The following EDRF1 variants were observed in gnomAD, a reference collection of about 807,000 sequenced individuals.
EDRF1 encodes erythroid differentiation regulatory factor 1, also known as erythroid differentiation-related factor 1.
EDRF1 carries 69 observed loss-of-function variants against 148.7 expected under a neutral mutation model. The ratio of observed to expected loss-of-function variants is 0.46; its 90% CI spans 0.38 to 0.57. The LOEUF is 0.57. Among genes scored for constraint, EDRF1 ranks in the 20% least tolerant of loss-of-function variants. The probability of loss-of-function intolerance (pLI) is 0.00; values close to 1 mark genes in which losing one functional copy is unlikely to be tolerated. For synonymous variants in EDRF1, 515 were observed against 532.8 expected, an observed-to-expected ratio of 0.97 and a Z score of 0.46; for missense variants, 1,118 against 1,478.7, an observed-to-expected ratio of 0.76 and a Z score of 4.00.
Position 125,740,414 on chromosome 10 carries a change from T to A in EDRF1, c.1982-49T>A, listed in dbSNP as rs748603535. 1.9e-6 allele frequency: 3 copies of A among 1,589,144 alleles called. No homozygotes were observed. The South Asian group carries it at 3.3e-5, about 18-fold the overall frequency. ...AGAAAATATTTTTTGTGCATGAGAC[T>A]TACAGTCAAATGAAATGTGCTGTCT... On this transcript the variant is annotated intron_variant, in intron 15 of 24. Coordinates refer to ENST00000356792, the MANE Select transcript of EDRF1 (RefSeq NM_001202438.2).
chr10:125,723,116 T>C lies in EDRF1; in HGVS notation c.366T>C (p.Asp122=). 6.2e-7 allele frequency: 1 copy of C among 1,613,812 alleles called. No individual in the cohort carries two copies. ...DFIDSVGNDV[D]VVSDSENIKK... is the part of the protein sequence containing the mutation. ...TTGATTCAGTGGGAAATGATGTGGA[T>C]GTTGTCTCTGACTCTGAAGTAAGTG... The change falls in exon 3 of 25, where the codon GAT becomes GAC. Residue 122 remains aspartate (D), a synonymous_variant. Coordinates refer to ENST00000356792, the MANE Select transcript of EDRF1 (RefSeq NM_001202438.2).
chr10:125,757,508 ATTTTATTTACC>A, intron 24 of EDRF1, among the ~76,000 whole-genome samples: 1 of 152,304 alleles, frequency 6.6e-6, no homozygotes, highest in East Asian at 1.9e-4. Context: ...GGAACAGGAA[ATTTTATTTACC>A]TTCATTTATT....
At chr10:125,735,070 G>C (rs1848660040) in intron 12 of EDRF1, among the ~76,000 whole-genome samples, 1 of 152,158 alleles carries the variant, frequency 6.6e-6, no homozygotes, top group African/African-American at 2.4e-5. Flanking sequence ...TTGGATGTTA[G>C]AAATGGTGTT....
chr10:125,733,617 CTTT>C lies in EDRF1; in HGVS notation c.1277-17_1277-15del. The C allele has an allele frequency of 6.2e-7, 1 of 1,612,456 alleles. No homozygotes were observed. Among genetic ancestry groups the C allele is most frequent in the Non-Finnish European group, 8.5e-7 (1 of 1,178,672 alleles). On this transcript the variant is annotated splice_polypyrimidine_tract_variant and intron_variant, in intron 10 of 24. Transcript: ENST00000356792. ...GGGTAACTGCTGTGAAATGAGTCTT[CTTT>C]GTTTTTCTTTTCAGCAAGTGGCAGC...
chr10:125,735,515 G>A (rs1848681778), intron 12 of EDRF1, 129 bp from the exon 13 acceptor site: 2 of 845,540 alleles, frequency 2.4e-6, no homozygotes, highest in Non-Finnish European at 3.8e-6. Flanking sequence ...ACATTTCTGT[G>A]TGTGTTACAG....
chr10:125,730,370 A>C lies in EDRF1; in HGVS notation c.1099A>C (p.Met367Leu). 1.2e-6 allele frequency: 2 copies of C among 1,613,742 alleles called. No homozygotes were observed. Among genetic ancestry groups the C allele is most frequent in the Non-Finnish European group, 1.7e-6 (2 of 1,179,680 alleles). The change falls in exon 9 of 25, where the codon ATG becomes CTG. Residue 367 changes from methionine (M) to leucine (L), a missense_variant. Around this residue, in one of 3 missense-constraint regions of EDRF1, gnomAD observed 954 missense variants for 1,241.4 expected, o/e 0.77. Coordinates refer to ENST00000356792, the MANE Select transcript of EDRF1 (RefSeq NM_001202438.2). ...NLICNVPELV[M>L]CFHVNGIVQK... ...GATATGCAATGTGCCAGAGCTTGTG[A>C]TGTGTTTTCATGTAAATGGAATTGT...
Position 125,729,218 on chromosome 10 carries a change from T to A in EDRF1, c.894+114T>A, listed in dbSNP as rs147482359. ...AAACTCCACTTGATCCTGAAACTGC[T>A]TTCTAAGCATCTTTGTGATCTTAGC... On this transcript the variant is annotated intron_variant, in intron 7 of 24. Coordinates refer to ENST00000356792, the MANE Select transcript of EDRF1 (RefSeq NM_001202438.2). 2.0e-5 allele frequency: 29 copies of A among 1,447,554 alleles called. No homozygotes were observed. In the East Asian group the frequency reaches 6.8e-4, roughly 34 times the overall value. The allele number at this position is 1,447,554 out of a possible 1,614,324, so 89.7% of individuals were successfully genotyped here. A position where few individuals can be genotyped will look rare whatever the true frequency, so the allele number is the denominator to read the frequency against.
rs1848593519 is a variant in EDRF1 at position 125,733,806 on chromosome 10, G to A, written c.1385+63G>A. The A allele has an allele frequency of 8.9e-6, 13 of 1,459,800 alleles. No homozygotes were observed. In the South Asian group the frequency reaches 1.5e-4, roughly 17 times the overall value. The allele number at this position is 1,459,800 out of a possible 1,614,324, so 90.4% of individuals were successfully genotyped here. On this transcript the variant is annotated intron_variant, in intron 11 of 24. Coordinates refer to ENST00000356792, the MANE Select transcript of EDRF1 (RefSeq NM_001202438.2). ...ATTATATAAAGTTTTAAAGCATACAGTCACAGTTTCCAAACCAAGGCTTTT... is the reference window on the plus strand; with the variant it reads ...ATTATATAAAGTTTTAAAGCATACAATCACAGTTTCCAAACCAAGGCTTTT...
At chr10:125,733,821 C>A (rs1001225543) in intron 11 of EDRF1, 78 bp downstream of exon 11, 16 of 1,358,908 alleles carry the variant, frequency 1.2e-5, no homozygotes, top group Non-Finnish European at 1.6e-5. Context: ...AGTTTCCAAA[C>A]CAAGGCTTTT....
intron 3 of EDRF1, 32 bp downstream of exon 3, chr10:125,723,166 G>C: frequency 6.2e-7 from 1 of 1,600,172 alleles, no homozygotes; most frequent in East Asian, 2.2e-5. Flanking sequence ...ATGTAATTTT[G>C]GAGGTGTTTT....
At chr10:125,752,691 G>C in intron 22 of EDRF1, 108 bp from the exon 23 acceptor site, 1 of 726,518 alleles carries the variant, frequency 1.4e-6, no homozygotes, top group South Asian at 1.6e-5. Context: ...ATTCTCATTA[G>C]CTTCCTTTAT....
At position 125,719,873 on chromosome 10, in the gene EDRF1, C is replaced by G; in HGVS notation, c.66C>G (p.Leu22=). The change falls in exon 1 of 25, where the codon CTC becomes CTG. Residue 22 remains leucine, a synonymous_variant. Transcript: ENST00000356792. ...PPAGAAARGG[L]SLLSQGESEE... is the part of the protein sequence containing the mutation. ...CCGGGGCCGCCGCTCGAGGAGGGCT[C>G]AGCCTCCTGTCCCAGGGAGAATCCG... 6.2e-7 allele frequency: 1 copy of G among 1,613,158 alleles called. No homozygotes were observed. Among genetic ancestry groups the G allele is most frequent in the Non-Finnish European group, 8.5e-7 (1 of 1,179,868 alleles).
At chr10:125,724,040 C>G in intron 4 of EDRF1, 104 bp downstream of exon 4, 1 of 1,309,732 alleles carries the variant, frequency 7.6e-7, no homozygotes, top group Non-Finnish European at 1.1e-6. Context: ...TAGTTGAGTA[C>G]TTCAACAATC....
intron 24 of EDRF1, among the ~76,000 whole-genome samples, chr10:125,762,885 A>G (rs948390955): frequency 6.6e-6 from 1 of 152,104 alleles, no homozygotes; most frequent in Non-Finnish European, 1.5e-5. Flanking sequence ...ACCCGGCTCC[A>G]CTGCATTTTC....
chr10:125,736,605 C>CT (rs959253602), intron 13 of EDRF1, among the ~76,000 whole-genome samples: 4 of 152,122 alleles, frequency 2.6e-5, no homozygotes, highest in South Asian at 2.1e-4. Flanking sequence ...GATGGAAACT[C>CT]TAAGCAAGTT....
intron 24 of EDRF1, among the ~76,000 whole-genome samples, chr10:125,759,772 G>A (rs867010629): frequency 3.3e-5 from 5 of 151,832 alleles, no homozygotes; most frequent in South Asian, 2.1e-4. Context: ...GTGCAGTGGC[G>A]CAATCTCGGC....
intron 24 of EDRF1, chr10:125,757,113 CA>C: frequency 2.7e-6 from 1 of 370,678 alleles, no homozygotes. Context: ...GCACCTGGCC[CA>C]AGGGTCTTGC....
chr10:125,735,990 A>G (rs1848710202), intron 13 of EDRF1, 86 bp downstream of exon 13: 1 of 1,216,326 alleles, frequency 8.2e-7, no homozygotes, highest in Non-Finnish European at 1.2e-6. Flanking sequence ...AGATACCATT[A>G]CTTCAATAAA....
chr10:125,747,408 T>A (rs1008123538), intron 19 of EDRF1, 128 bp from the exon 20 acceptor site: 7 of 1,065,770 alleles, frequency 6.6e-6, no homozygotes, highest in Non-Finnish European at 1.0e-5. Context: ...CCTCATAATA[T>A]TGTCTCTTTA....
Sources: gnomAD v4.1 joint callset for allele counts (sites outside exome capture counted in the v4.1 genomes callset) on GRCh38, gnomAD v4.1.1 for gene constraint, gnomAD v4.1.1 regional missense constraint, MANE v1.5 for transcripts, NCBI Gene and HGNC (gene_info 2026-07-23, HGNC 2026-07-21) for gene names.